The following PAM variants were observed in gnomAD, a reference collection of about 807,000 sequenced individuals.
The protein encoded by PAM is peptidylglycine alpha-amidating monooxygenase.
A neutral mutation model predicts 122.1 loss-of-function variants in PAM; 72 were observed. That is an observed-to-expected ratio of 0.59 (90% CI 0.49 to 0.72). The LOEUF (loss-of-function observed/expected upper bound fraction) is 0.72, where lower values mean the gene tolerates loss of function less well. Among genes scored for constraint, PAM ranks in the 30% least tolerant of loss-of-function variants. The pLI is 0.00. For synonymous variants in PAM, 389 were observed against 404.4 expected (o/e 0.96, Z 0.46); for missense variants, 1,106 against 1,183.7 (o/e 0.93, Z 0.96).
Position 102,933,172 on chromosome 5 carries a change from A to G in PAM, c.526+6504A>G, listed in dbSNP as rs140221377. On this transcript the variant is annotated intron_variant, in intron 7 of 25. Coordinates refer to ENST00000438793, the MANE Select transcript of PAM (RefSeq NM_001177306.2). ...TAGTTTAGATGTTTCAAGTTATCGGATTGATATCATATAGGCACCCTTCTT... is the reference window on the plus strand; with the variant it reads ...TAGTTTAGATGTTTCAAGTTATCGGGTTGATATCATATAGGCACCCTTCTT... Among the ~76,000 whole-genome samples, 61 of 152,328 alleles carry G rather than the reference A, an allele frequency of 4.0e-4. No homozygotes were observed. The East Asian group carries it at 0.012, about 29-fold the overall frequency.
At chr5:102,842,928 T>A (rs1714383379) in intron 1 of PAM, among the ~76,000 whole-genome samples, 1 of 152,182 alleles carries the variant, frequency 6.6e-6, no homozygotes. Context: ...CTAGAGACAT[T>A]CTTATCCCAC....
chr5:102,938,524 A>T (rs1754032635), intron 7 of PAM, among the ~76,000 whole-genome samples: 1 of 152,154 alleles, frequency 6.6e-6, no homozygotes, highest in South Asian at 2.1e-4. Context: ...TCCTACATGC[A>T]ATTTAGTTTT....
chr5:102,949,142 C>T (rs1298091330), intron 9 of PAM, among the ~76,000 whole-genome samples: 1 of 152,006 alleles, frequency 6.6e-6, no homozygotes, highest in East Asian at 1.9e-4. Flanking sequence ...GGCCTCTTCT[C>T]AACAGGAACT....
chr5:102,759,100 A>AT (rs1751553092), intron 1 of PAM, among the ~76,000 whole-genome samples: 1 of 152,234 alleles, frequency 6.6e-6, no homozygotes, highest in Non-Finnish European at 1.5e-5. Flanking sequence ...TAAACAGAGA[A>AT]TTATAAATTT....
intron 5 of PAM, among the ~76,000 whole-genome samples, chr5:102,916,650 TTA>T (rs1273898752): frequency 2.7e-5 from 4 of 146,772 alleles, no homozygotes; most frequent in Non-Finnish European, 4.5e-5. Context: ...ATATATTCCT[TTA>T]TATATATATA....
At position 103,005,152 on chromosome 5, in the gene PAM, A is replaced by C. The variant is rs1286328374; in HGVS notation, c.1731-2A>C. The C allele has an allele frequency of 6.6e-7, 1 of 1,523,430 alleles. No homozygotes were observed. Among genetic ancestry groups the C allele is most frequent in the Non-Finnish European group, 9.1e-7 (1 of 1,099,112 alleles). 94.4% of individuals were successfully genotyped at this position (1,523,430 alleles called of 1,614,324 possible). The stretch of plus-strand genomic sequence containing the variant: ...ATTAACACAAATATTTTTATTTTGC[A>C]GGTTTTACTTGCCACATGGCTTGAG... On this transcript the variant is annotated splice_acceptor_variant, in intron 17 of 25. Transcript: ENST00000438793. LOFTEE classifies it high-confidence loss of function.
At chr5:102,791,872 T>C (rs1317022263) in intron 1 of PAM, among the ~76,000 whole-genome samples, 1 of 152,174 alleles carries the variant, frequency 6.6e-6, no homozygotes, top group Admixed American at 6.5e-5. Context: ...TAGGAGTTTC[T>C]TGAAGGAAAA....
chr5:103,011,714 G>C (rs1780692821), intron 21 of PAM, among the ~76,000 whole-genome samples: 1 of 152,152 alleles, frequency 6.6e-6, no homozygotes. Flanking sequence ...GAACAGTGCT[G>C]CAACAAACGT....
intron 1 of PAM, among the ~76,000 whole-genome samples, chr5:102,792,623 G>C (rs906670038): frequency 1.3e-5 from 2 of 152,100 alleles, no homozygotes; most frequent in South Asian, 2.1e-4. Context: ...AACATGAAAG[G>C]CTGATGACAA....
intron 7 of PAM, among the ~76,000 whole-genome samples, chr5:102,931,669 AG>A (rs1269345932): frequency 1.4e-4 from 22 of 152,180 alleles, no homozygotes; most frequent in African/African-American, 5.3e-4. Context: ...CTTAGAATGA[AG>A]GTCAGGGTCT....
intron 10 of PAM, 23 bp from the exon 11 acceptor site, chr5:102,949,879 A>G: frequency 8.1e-7 from 1 of 1,238,188 alleles, no homozygotes; most frequent in Non-Finnish European, 1.2e-6. Context: ...ATATTAAATG[A>G]TTAAAATTTG....
chr5:102,799,287 G>C (rs993835944), intron 1 of PAM, among the ~76,000 whole-genome samples: 2 of 152,130 alleles, frequency 1.3e-5, no homozygotes, highest in African/African-American at 4.8e-5. Context: ...TGTATATTTA[G>C]AAACCAGAGA....
At chr5:102,755,221 A>C (rs1478570385), upstream of PAM, 1 of 151,912 alleles carries the variant, frequency 6.6e-6, no homozygotes, top group African/African-American at 2.4e-5. Context: ...AGCCCCCGCC[A>C]CCGCCGCTGC....
At chr5:102,937,503 C>T (rs1390946507) in intron 7 of PAM, among the ~76,000 whole-genome samples, 1 of 152,066 alleles carries the variant, frequency 6.6e-6, no homozygotes, top group Admixed American at 6.6e-5. Flanking sequence ...GAAAGCATGA[C>T]GTTTTTTTCC....
intron 1 of PAM, among the ~76,000 whole-genome samples, chr5:102,774,497 C>G (rs1012616269): frequency 6.6e-6 from 1 of 151,978 alleles, no homozygotes; most frequent in Non-Finnish European, 1.5e-5. Flanking sequence ...ACCTAAAACA[C>G]TTGTGGGAGG....
intron 3 of PAM, among the ~76,000 whole-genome samples, chr5:102,872,277 A>T (rs1441692698): frequency 6.6e-6 from 1 of 152,210 alleles, no homozygotes; most frequent in Non-Finnish European, 1.5e-5. Context: ...TGAGTTTAAG[A>T]ATCACAGCAG....
intron 23 of PAM, among the ~76,000 whole-genome samples, chr5:103,022,261 G>A (rs1302592466): frequency 3.3e-5 from 5 of 151,810 alleles, no homozygotes; most frequent in Non-Finnish European, 7.4e-5. Flanking sequence ...TCTCATTGGT[G>A]ATATATGCAC....
intron 1 of PAM, among the ~76,000 whole-genome samples, chr5:102,864,967 C>T (rs1405438384): frequency 6.6e-6 from 1 of 152,054 alleles, no homozygotes; most frequent in Non-Finnish European, 1.5e-5. Context: ...AACATTAGTT[C>T]TTCATGGCCT....
chr5:102,791,297 G>T (rs1761994424), intron 1 of PAM, among the ~76,000 whole-genome samples: 1 of 151,954 alleles, frequency 6.6e-6, no homozygotes, highest in African/African-American at 2.4e-5. Context: ...ATGCCAAATT[G>T]TTCTTTAAAA....
Sources: allele counts gnomAD v4.1 joint callset (sites outside exome capture counted in the v4.1 genomes callset), GRCh38; gene constraint gnomAD v4.1.1; transcripts MANE v1.5; gene names NCBI Gene and HGNC (gene_info 2026-07-23, HGNC 2026-07-21).